SON: variants seen among roughly 807,000 people sequenced by gnomAD.
The protein encoded by SON is protein SON.
Under a neutral mutation model 173.3 loss-of-function variants are expected in SON, and 4 were observed. That is an observed-to-expected ratio of 0.02 (90% CI 0.01 to 0.05). The LOEUF (loss-of-function observed/expected upper bound fraction) is 0.05. SON is among the 10% of genes least tolerant of loss of function. The probability of loss-of-function intolerance (pLI) is 1.00; values close to 1 mark genes in which losing one functional copy is unlikely to be tolerated. For synonymous variants in SON, 1,190 were observed against 1,105.9 expected, an observed-to-expected ratio of 1.08 and a Z score of -1.51; for missense variants, 2,626 against 3,055.3, an observed-to-expected ratio of 0.86 and a Z score of 3.31.
At chr21:33,544,091 C>T (rs2085547097) in intron 1 of SON, among the ~76,000 whole-genome samples, 1 of 152,166 alleles carries the variant, frequency 6.6e-6, no homozygotes, top group African/African-American at 2.4e-5. Context: ...GATCTTGAAA[C>T]GTAAGTGTTC....
chr21:33,550,651 G>GTGA lies in SON; in HGVS notation c.1423_1425dup (p.Met475dup), dbSNP rs1398844460. The GTGA allele has an allele frequency of 2.5e-6, 4 of 1,613,752 alleles. No individual in the cohort carries two copies. Among genetic ancestry groups the GTGA allele is most frequent in the Non-Finnish European group, 3.4e-6 (4 of 1,179,910 alleles). ...ACCACAGGAGGTACCAGAGCCACCTGTGATGGCACAGGAGTTGCCAGGGCT... is the reference window on the plus strand; with the variant it reads ...ACCACAGGAGGTACCAGAGCCACCTGTGATGATGGCACAGGAGTTGCCAGGGCT... On this transcript the variant is annotated inframe_insertion, in exon 3 of 12. Coordinates refer to ENST00000356577, the MANE Select transcript of SON (RefSeq NM_138927.4).
intron 8 of SON, chr21:33,569,903 G>T: frequency 5.7e-6 from 1 of 175,406 alleles, no homozygotes; most frequent in Non-Finnish European, 1.2e-5. Context: ...AATCAAGGGA[G>T]AGAATGGACG....
chr21:33,544,480 T>G (rs576195682), intron 1 of SON, among the ~76,000 whole-genome samples: 1 of 152,310 alleles, frequency 6.6e-6, no homozygotes, highest in East Asian at 1.9e-4. Context: ...TTATTATAAT[T>G]TAGAAGACAT....
rs754455099 is a variant in SON, at chr21:33,551,317, G to T, written c.2086G>T (p.Val696Leu). The T allele has an allele frequency of 6.2e-7, 1 of 1,614,132 alleles. No individual in the cohort carries two copies. The highest frequency in any genetic ancestry group is 1.1e-5 in the South Asian group (1 of 91,090). The change falls in exon 3 of 12, where the codon GTG becomes TTG. Residue 696 changes from valine (V) to leucine (L), a missense_variant. Val to Leu is a conservative substitution (Grantham distance 32). Around this residue, in one of 13 missense-constraint regions of SON, gnomAD observed 182 missense variants for 193.6 expected, o/e 0.94. Transcript: ENST00000356577. Reference protein sequence around the residue: ...TVAQELPTTLVGETSVTVGVD... With the variant: ...TVAQELPTTLLGETSVTVGVD... ...AGCACAGGAGCTGCCTACTACATTA[G>T]TGGGGGAGACTTCTGTAACAGTAGG...
chr21:33,567,321 C>G (rs766118170), intron 7 of SON, 54 bp downstream of exon 7: 1 of 970,978 alleles, frequency 1.0e-6, no homozygotes, highest in Non-Finnish European at 1.7e-6. Context: ...CAACTCACAC[C>G]AATGTACCAG....
intron 6 of SON, among the ~76,000 whole-genome samples, chr21:33,566,834 C>T (rs923440985): frequency 6.6e-6 from 1 of 152,080 alleles, no homozygotes; most frequent in African/African-American, 2.4e-5. Context: ...GGCTTTCAAT[C>T]ATGAAGAGTA....
Position 33,551,670 on chromosome 21 carries a change from C to T in SON, c.2439C>T (p.Ser813=). 1 of 1,612,328 alleles carries T rather than the reference C, an allele frequency of 6.2e-7. No individual in the cohort carries two copies. Residue 813 remains serine, a synonymous_variant, in exon 3 of 12, where the codon TCC becomes TCT. Coordinates refer to ENST00000356577, the MANE Select transcript of SON (RefSeq NM_138927.4). ...SQMLATSSMD[S]QMLATSSMDS... ...TGTTAGCAACCAGCTCCATGGACTC[C>T]CAGATGTTAGCAACCAGCTCCATGG...
Position 33,550,220 on chromosome 21 carries a change from A to G in SON, c.989A>G (p.Glu330Gly), listed in dbSNP as rs753726991. 6.2e-7 allele frequency: 1 copy of G among 1,614,278 alleles called. No individual in the cohort carries two copies. The highest frequency in any genetic ancestry group is 1.3e-5 in the African/African-American group (1 of 75,080). Residue 330 changes from glutamate (E) to glycine (G), a missense_variant, in exon 3 of 12, where the codon GAG becomes GGG. Transcript: ENST00000356577. Reference protein sequence around the residue: ...PSTSTTMDFPESSAIEALRLP... With the variant: ...PSTSTTMDFPGSSAIEALRLP... ...ACATCAACAACAATGGATTTTCCAGAGTCATCTGCAATTGAAGCGCTAAGA... is the reference window on the plus strand; with the variant it reads ...ACATCAACAACAATGGATTTTCCAGGGTCATCTGCAATTGAAGCGCTAAGA...
At position 33,550,850 on chromosome 21, in the gene SON, C is replaced by T; in HGVS notation, c.1619C>T (p.Pro540Leu). The change falls in exon 3 of 12, where the codon CCT (proline) becomes CTT (leucine). Residue 540 changes from proline (P) to leucine (L), a missense_variant. Pro to Leu is a moderately conservative substitution (Grantham distance 98). Transcript: ENST00000356577. ...VTTATGLLGQ[P>L]EATMVLELPG... ...ACGGCAACAGGGTTGCTGGGGCAGC[C>T]TGAGGCAACGATGGTGCTGGAGTTG... 2 of 1,613,494 alleles carry T rather than the reference C, an allele frequency of 1.2e-6. No individual in the cohort carries two copies. Among genetic ancestry groups the T allele is most frequent in the Non-Finnish European group, 8.5e-7 (1 of 1,179,528 alleles).
At chr21:33,543,881 C>T (rs2085538703) in intron 1 of SON, among the ~76,000 whole-genome samples, 2 of 151,958 alleles carry the variant, frequency 1.3e-5, no homozygotes, top group South Asian at 2.1e-4. Context: ...GCTACCCCTG[C>T]CCCAGTTGAC....
rs767827716 is a variant in SON, at chr21:33,549,805, G to C, written c.574G>C (p.Val192Leu). 1.2e-6 allele frequency: 2 copies of C among 1,614,096 alleles called. No individual in the cohort carries two copies. The highest frequency in any genetic ancestry group is 8.5e-7 in the Non-Finnish European group (1 of 1,179,916). ...TGCAGTTGTGCTAGAACCTCCTGTAGTATCAATGGAGGTATCAGAGCCACA... is the reference window on the plus strand; with the variant it reads ...TGCAGTTGTGCTAGAACCTCCTGTACTATCAATGGAGGTATCAGAGCCACA... The part of the protein sequence containing the change: ...SPAVVLEPPV[V>L]SMEVSEPHIL... Residue 192 changes from valine to leucine, a missense_variant, in exon 3 of 12, where the codon GTA (valine) becomes CTA (leucine). This residue lies in a region of SON where 757 missense variants were observed against 730.1 expected (regional missense o/e 1.04). Transcript: ENST00000356577.
intron 6 of SON, chr21:33,560,050 C>T (rs753659319): frequency 1.9e-6 from 3 of 1,614,194 alleles, no homozygotes; most frequent in Non-Finnish European, 2.5e-6. Flanking sequence ...CCTCCCTGCA[C>T]TTGTGGGAAG....
rs2086029543 is a variant in SON at position 33,559,489 on chromosome 21, A to G, written c.6469-98A>G. 2 of 1,465,114 alleles carry G rather than the reference A, an allele frequency of 1.4e-6. No homozygotes were observed. The highest frequency in any genetic ancestry group is 2.8e-5 in the African/African-American group (2 of 70,684). The allele number at this position is 1,465,114 out of a possible 1,614,324, so 90.8% of individuals were successfully genotyped here. ...TTTGTTTTAAATACTGTGAGAAATA[A>G]TGGATAATATCATTTCCTTCAGATT... On this transcript the variant is annotated intron_variant, in intron 5 of 11. Transcript: ENST00000356577. This position sits in a 1 kb window ranked among gnomAD's most constrained non-coding sequence, Gnocchi z 4.1.
intron 6 of SON, chr21:33,560,239 A>C: frequency 6.6e-7 from 1 of 1,506,362 alleles, no homozygotes; most frequent in Non-Finnish European, 8.8e-7. Context: ...TCTTGGGTAC[A>C]TAGCCCATTG....
At chr21:33,556,354 T>C (rs2085966228) in intron 3 of SON, among the ~76,000 whole-genome samples, 1 of 152,124 alleles carries the variant, frequency 6.6e-6, no homozygotes, top group South Asian at 2.1e-4. Flanking sequence ...TGAGGTACTT[T>C]AGGAACACAA....
chr21:33,554,192 A>G lies in SON; in HGVS notation c.4961A>G (p.Asp1654Gly), dbSNP rs1378854841. The G allele has an allele frequency of 6.2e-7, 1 of 1,614,182 alleles. No individual in the cohort carries two copies. Among genetic ancestry groups the G allele is most frequent in the Non-Finnish European group, 8.5e-7 (1 of 1,180,004 alleles). ...AGTCCTAGTGGTGGTAGTGAAGCTG[A>G]CATTGAAGGGCCTTTGCCTGCTAAA... ...STSPSGGSEADIEGPLPAKDI... is the reference protein window; with the variant it reads ...STSPSGGSEAGIEGPLPAKDI... Residue 1654 changes from aspartate to glycine, a missense_variant, in exon 3 of 12, where the codon GAC (aspartate) becomes GGC (glycine). By Grantham distance (94) the Asp-to-Gly change is moderately conservative (BLOSUM62 -1). Coordinates refer to ENST00000356577, the MANE Select transcript of SON (RefSeq NM_138927.4).
At chr21:33,555,980 GCTTTA>G (rs2085958543) in intron 3 of SON, among the ~76,000 whole-genome samples, 1 of 152,138 alleles carries the variant, frequency 6.6e-6, no homozygotes, top group South Asian at 2.1e-4. Flanking sequence ...AACCTGTTCT[GCTTTA>G]CTTTAAAGAT....
chr21:33,547,975 G>A (rs1006298173), intron 2 of SON, among the ~76,000 whole-genome samples: 1 of 151,778 alleles, frequency 6.6e-6, no homozygotes, highest in African/African-American at 2.4e-5. Context: ...CACACGTCTT[G>A]GCCTCCCAAA....
rs574078308 is a variant in SON, at chr21:33,573,061, C to T, written c.6886-247C>T. On this transcript the variant is annotated intron_variant, in intron 8 of 11. Transcript: ENST00000356577. ...TAATTTTTTTTTTTTGAGGGGGGCA[C>T]GAGGGCTACTGTTTCAAAACTGCCA... 22 of 346,390 alleles carry T rather than the reference C, an allele frequency of 6.4e-5. No homozygotes were observed. In the South Asian group the frequency reaches 1.2e-3, roughly 19 times the overall value. 21.5% of individuals were successfully genotyped at this position (346,390 alleles called of 1,614,324 possible). A position where few individuals can be genotyped will look rare whatever the true frequency, so the allele number is the denominator to read the frequency against.
Sources: gnomAD v4.1 joint callset for allele counts (sites outside exome capture counted in the v4.1 genomes callset) on GRCh38, gnomAD v4.1.1 for gene constraint, gnomAD v4.1.1 regional missense constraint, Gnocchi (gnomAD v3.1) non-coding constraint, MANE v1.5 for transcripts, NCBI Gene and HGNC (gene_info 2026-07-23, HGNC 2026-07-21) for gene names.